HSD17B7: variants seen among roughly 807,000 people sequenced by gnomAD.
The protein encoded by HSD17B7 is 3-keto-steroid reductase/17-beta-hydroxysteroid dehydrogenase 7.
In HSD17B7, 17 loss-of-function variants were observed where a neutral mutation model predicts 34.1. That is an observed-to-expected ratio of 0.50 (90% CI 0.34 to 0.75). HSD17B7 has a LOEUF of 0.75. HSD17B7 is among the 30% of genes least tolerant of loss of function. HSD17B7 has a pLI of 0.01. For missense variants in HSD17B7, 296 were observed against 406.6 expected, an observed-to-expected ratio of 0.73 and a Z score of 2.34; for synonymous variants, 122 against 154.6, an observed-to-expected ratio of 0.79 and a Z score of 1.56.
At chr1:162,810,450 T>C (rs1649137342) in intron 8 of HSD17B7, among the ~76,000 whole-genome samples, 1 of 152,264 alleles carries the variant, frequency 6.6e-6, no homozygotes, top group South Asian at 2.1e-4. Flanking sequence ...GAGAGTTCTG[T>C]AGATGTCTAT....
chr1:162,804,433 C>G, intron 7 of HSD17B7, 110 bp downstream of exon 7: 1 of 727,844 alleles, frequency 1.4e-6, no homozygotes, highest in Non-Finnish European at 2.3e-6. Context: ...AGAATAAGCT[C>G]TGTGAATAAT....
chr1:162,791,323 A>G (rs1648398105), intron 1 of HSD17B7, among the ~76,000 whole-genome samples: 1 of 147,412 alleles, frequency 6.8e-6, no homozygotes, highest in African/African-American at 2.5e-5. Context: ...GAGCTAACAT[A>G]CTCTTCAGAA....
intron 2 of HSD17B7, chr1:162,793,161 A>C (rs1386994516): frequency 8.0e-6 from 2 of 250,360 alleles, no homozygotes; most frequent in East Asian, 2.1e-4. Context: ...CCACCTCCTG[A>C]GTAGCTGGGA....
rs573345137 is a variant in HSD17B7 at position 162,794,088 on chromosome 1, A to G, written c.239+1226A>G. On this transcript the variant is annotated intron_variant, in intron 2 of 8. Transcript: ENST00000254521. ...GCTTTTTATTTATTTATTTGTTTTT[A>G]AATTGTAAGAGGAATTTATGATGAA... Among the ~76,000 whole-genome samples, 30 of 152,210 alleles carry G rather than the reference A, an allele frequency of 2.0e-4. 1 individual carries two copies. Among genetic ancestry groups the G allele is most frequent in the African/African-American group, 7.0e-4 (29 of 41,544 alleles).
chr1:162,809,818 G>A (rs548323511), intron 8 of HSD17B7, among the ~76,000 whole-genome samples: 112 of 152,024 alleles, frequency 7.4e-4, no homozygotes, highest in African/African-American at 2.5e-3. Context: ...TTTTTATTGC[G>A]TCTATTTGAT....
In HSD17B7 at chr1:162,796,734, A is replaced by C. The variant is rs545179733; in HGVS notation, c.332+57A>C. ...AAGGAATGTGTTCATTTTTCTGCCT[A>C]GTTTTGATGGCATGTTAAGTTGGGG... On this transcript the variant is annotated intron_variant, in intron 3 of 8. Transcript: ENST00000254521. The C allele has an allele frequency of 1.1e-5, 12 of 1,055,018 alleles. No homozygotes were observed. In the African/African-American group the frequency reaches 1.5e-4, roughly 14 times the overall value. The allele number at this position is 1,055,018 out of a possible 1,614,324, so 65.4% of individuals were successfully genotyped here. A position where few individuals can be genotyped will look rare whatever the true frequency, so the allele number is the denominator to read the frequency against.
At chr1:162,795,162 T>G (rs1292692297) in intron 2 of HSD17B7, among the ~76,000 whole-genome samples, 1 of 152,200 alleles carries the variant, frequency 6.6e-6, no homozygotes, top group African/African-American at 2.4e-5. Context: ...CTACACCCAG[T>G]GGCTCAAATG....
At position 162,799,839 on chromosome 1, in the gene HSD17B7, G is replaced by A. The variant is rs766995976; in HGVS notation, c.544G>A (p.Glu182Lys). The change falls in exon 5 of 9, where the codon GAG becomes AAG. Residue 182 changes from glutamate to lysine, a missense_variant. Transcript: ENST00000254521. ...RSARKSNFSL[E>K]DFQHSKGKEP... Reference sequence around the variant, plus strand: ...TGCAAGGAAATCTAATTTCAGCCTCGAGGACTTCCAGCACAGCAAAGGCAA... The same window carrying A: ...TGCAAGGAAATCTAATTTCAGCCTCAAGGACTTCCAGCACAGCAAAGGCAA... The A allele has an allele frequency of 8.7e-6, 14 of 1,613,834 alleles. No individual in the cohort carries two copies. The highest frequency in any genetic ancestry group is 1.3e-5 in the African/African-American group (1 of 74,940).
At position 162,794,265 on chromosome 1, in the gene HSD17B7, T is replaced by G. The variant is rs116805257; in HGVS notation, c.239+1403T>G. Among the ~76,000 whole-genome samples, 435 of 152,336 alleles carry G rather than the reference T, an allele frequency of 2.9e-3. 6 individuals carry two copies. The highest frequency in any genetic ancestry group is 9.9e-3 in the African/African-American group (413 of 41,572). On this transcript the variant is annotated intron_variant, in intron 2 of 8. Transcript: ENST00000254521. The stretch of plus-strand genomic sequence containing the variant: ...GTAGAAACAAGGAAGGCTTTCTTGA[T>G]GAAGATGTTTGCTGAATAAAAATAC...
intron 5 of HSD17B7, chr1:162,802,928 G>C (rs1375833321): frequency 6.6e-6 from 1 of 152,650 alleles, no homozygotes; most frequent in East Asian, 1.9e-4. Flanking sequence ...CTAATGCCGG[G>C]AGCACCCCCC....
intron 1 of HSD17B7, among the ~76,000 whole-genome samples, chr1:162,791,820 G>T (rs1360430870): frequency 1.3e-5 from 2 of 151,814 alleles, no homozygotes; most frequent in African/African-American, 4.9e-5. Flanking sequence ...TTGATGCTTT[G>T]TTGTTGGTGC....
At position 162,804,291 on chromosome 1, in the gene HSD17B7, A is replaced by G; in HGVS notation, c.772A>G (p.Thr258Ala). ...GCTTCGCTTTTTTGCAAATGCATTC[A>G]CTTTGACACCATATAATGGAACAGA... ...LLLRFFANAF[T>A]LTPYNGTEAL... is the part of the protein sequence containing the mutation. Residue 258 changes from threonine (T) to alanine (A), a missense_variant, in exon 7 of 9, where the codon ACT (threonine) becomes GCT (alanine). Coordinates refer to ENST00000254521, the MANE Select transcript of HSD17B7 (RefSeq NM_016371.4). The G allele has an allele frequency of 1.2e-6, 2 of 1,608,982 alleles. No individual in the cohort carries two copies. Among genetic ancestry groups the G allele is most frequent in the African/African-American group, 1.3e-5 (1 of 74,720 alleles).
intron 4 of HSD17B7, among the ~76,000 whole-genome samples, chr1:162,799,265 G>A (rs2457588): frequency 6.6e-6 from 1 of 152,016 alleles, no homozygotes; most frequent in Non-Finnish European, 1.5e-5. Context: ...CACTGGGAAC[G>A]CTTTCAGTTG....
At chr1:162,790,957 G>A in intron 1 of HSD17B7, 122 bp downstream of exon 1, 1 of 699,112 alleles carries the variant, frequency 1.4e-6, no homozygotes, top group South Asian at 1.5e-5. Flanking sequence ...TAGGTTCCCC[G>A]GAGTCTGCAG....
At chr1:162,806,952 T>G (rs1648998330) in intron 8 of HSD17B7, among the ~76,000 whole-genome samples, 1 of 152,222 alleles carries the variant, frequency 6.6e-6, no homozygotes, top group Admixed American at 6.5e-5. Context: ...TGATTGAAGA[T>G]AAATGTTATT....
intron 8 of HSD17B7, among the ~76,000 whole-genome samples, chr1:162,807,623 T>C (rs1469400383): frequency 3.9e-5 from 6 of 152,146 alleles, no homozygotes; most frequent in African/African-American, 1.4e-4. Context: ...CTCCACATCC[T>C]CTCCAGCACC....
intron 5 of HSD17B7, among the ~76,000 whole-genome samples, chr1:162,802,119 C>T (rs1171211842): frequency 7.2e-5 from 11 of 152,182 alleles, no homozygotes; most frequent in African/African-American, 1.9e-4. Flanking sequence ...ATTATCCATG[C>T]ATGCTCCCCC....
intron 3 of HSD17B7, chr1:162,797,460 C>T (rs200764286): frequency 2.2e-4 from 40 of 185,866 alleles, no homozygotes; most frequent in African/African-American, 8.4e-4. Context: ...CTTTTTTTCC[C>T]TTTGGCATAG....
At chr1:162,791,310 A>G (rs1309295380) in intron 1 of HSD17B7, among the ~76,000 whole-genome samples, 1 of 149,588 alleles carries the variant, frequency 6.7e-6, no homozygotes, top group African/African-American at 2.4e-5. Flanking sequence ...GCTCAGTGCT[A>G]GAGAGCTAAC....
Sources: gnomAD v4.1 joint callset for allele counts (sites outside exome capture counted in the v4.1 genomes callset) on GRCh38, gnomAD v4.1.1 for gene constraint, MANE v1.5 for transcripts, NCBI Gene and HGNC (gene_info 2026-07-23, HGNC 2026-07-21) for gene names.